Variants in CHD6 observed in about 807,000 individuals in gnomAD.
CHD6 encodes ATP-dependent chromatin remodeler CHD6.
Under a neutral mutation model 276.9 loss-of-function variants are expected in CHD6, and 50 were observed. The observed-to-expected ratio is 0.18, with a 90% CI of 0.14 to 0.23. The LOEUF (loss-of-function observed/expected upper bound fraction) is 0.23, where lower values mean the gene tolerates loss of function less well. Ranked by LOEUF, CHD6 falls within the 10% of genes least tolerant of loss-of-function variation. CHD6 has a pLI of 1.00. For synonymous variants in CHD6, 1,173 were observed against 1,229.3 expected, an observed-to-expected ratio of 0.95 and a Z score of 0.96; for missense variants, 2,564 against 3,365.8, an observed-to-expected ratio of 0.76 and a Z score of 5.89.
At chr20:41,426,030 C>T (rs1299753308) in intron 28 of CHD6, 63 bp downstream of exon 28, 2 of 1,191,852 alleles carry the variant, frequency 1.7e-6, no homozygotes, top group Non-Finnish European at 2.5e-6. Context: ...TACATATAAA[C>T]TCCACGATAA....
Position 41,421,534 on chromosome 20 carries a change from C to G in CHD6, c.5101G>C (p.Glu1701Gln), listed in dbSNP as rs2047192472. 6.2e-7 allele frequency: 1 copy of G among 1,612,210 alleles called. No individual in the cohort carries two copies. The highest frequency in any genetic ancestry group is 8.5e-7 in the Non-Finnish European group (1 of 1,179,190). ...CCATACATCATGCTCTCTAAGGACT[C>G]AGGCAGCAGACTTTCATCATGGTTG... ...SINHDESLLP[E>Q]SLESMMYGKK... The change falls in exon 31 of 37, where the codon GAG (glutamate) becomes CAG (glutamine). Residue 1701 changes from glutamate to glutamine, a missense_variant. This residue lies in a region of CHD6 where 1,024 missense variants were observed against 1,047.9 expected (regional missense o/e 0.98). Coordinates refer to ENST00000373233, the MANE Select transcript of CHD6 (RefSeq NM_032221.5).
rs535261885 is a variant in CHD6 at position 41,569,029 on chromosome 20, G to A, written c.-23-17669C>T. 7.9e-5 allele frequency among the ~76,000 whole-genome samples: 12 copies of A among 152,298 alleles called. No homozygotes were observed. The South Asian group carries it at 1.0e-3, about 13-fold the overall frequency. The stretch of plus-strand genomic sequence containing the variant: ...TTCCTAGAAGCCTAAGAGGGAGGGA[G>A]TACTGAGGTAAACACAAAACTAGTC... On this transcript the variant is annotated intron_variant, in intron 1 of 36. Coordinates refer to ENST00000373233, the MANE Select transcript of CHD6 (RefSeq NM_032221.5).
intron 25 of CHD6, among the ~76,000 whole-genome samples, chr20:41,442,017 C>T (rs966334495): frequency 1.3e-5 from 2 of 152,208 alleles, no homozygotes; most frequent in African/African-American, 2.4e-5. Context: ...CCACAGAAAT[C>T]TTTTTGCTGC....
intron 26 of CHD6, among the ~76,000 whole-genome samples, chr20:41,439,093 CACGCCTGTAATCCCAGT>C (rs1479103093): frequency 6.6e-6 from 1 of 152,160 alleles, no homozygotes; most frequent in Non-Finnish European, 1.5e-5. Context: ...TGTGGTGGCT[CACGCCTGTAATCCCAGT>C]ACTTTGGGAG....
intron 1 of CHD6, among the ~76,000 whole-genome samples, chr20:41,588,133 TAG>T (rs1270065576): frequency 6.6e-6 from 1 of 152,068 alleles, no homozygotes; most frequent in Non-Finnish European, 1.5e-5. Flanking sequence ...GGCAAAATCC[TAG>T]AGAGACTATC....
At chr20:41,597,970 C>A (rs4812534) in intron 1 of CHD6, among the ~76,000 whole-genome samples, 1 of 151,814 alleles carries the variant, frequency 6.6e-6, no homozygotes, top group Non-Finnish European at 1.5e-5. Flanking sequence ...CTGGGAATCC[C>A]GTCCTCTGCA....
intron 23 of CHD6, among the ~76,000 whole-genome samples, 156 bp downstream of exon 23, chr20:41,450,790 T>C (rs536174702): frequency 6.6e-6 from 1 of 152,310 alleles, no homozygotes; most frequent in Admixed American, 6.5e-5. Context: ...TAACATGAAT[T>C]CTGAGCCAGC....
chr20:41,559,925 C>G (rs1389463281), intron 1 of CHD6, among the ~76,000 whole-genome samples: 3 of 152,022 alleles, frequency 2.0e-5, no homozygotes, highest in African/African-American at 7.2e-5. Context: ...CTCCTGTGTT[C>G]CCCATCAGAG....
Position 41,483,477 on chromosome 20 carries a change from C to T in CHD6, c.2300G>A (p.Ser767Asn). Reference protein sequence around the residue: ...KILEDFRKTHSPDAPDFQLQA... With the variant: ...KILEDFRKTHNPDAPDFQLQA... ...CAGCTGAAAGTCAGGGGCATCAGGGCTGTGGGTTTTTCGGAAATCTTCTAG... is the reference window on the plus strand; with the variant it reads ...CAGCTGAAAGTCAGGGGCATCAGGGTTGTGGGTTTTTCGGAAATCTTCTAG... The change falls in exon 16 of 37, where the codon AGC becomes AAC. Residue 767 changes from serine to asparagine, a missense_variant. Ser to Asn is a conservative substitution (Grantham distance 46, BLOSUM62 1). Around this residue, in one of 7 missense-constraint regions of CHD6, gnomAD observed 457 missense variants for 889.0 expected, o/e 0.51. Coordinates refer to ENST00000373233, the MANE Select transcript of CHD6 (RefSeq NM_032221.5). 6.2e-7 allele frequency: 1 copy of T among 1,613,294 alleles called. No homozygotes were observed. The highest frequency in any genetic ancestry group is 8.5e-7 in the Non-Finnish European group (1 of 1,179,736).
chr20:41,511,843 T>A (rs2044126252), intron 5 of CHD6, among the ~76,000 whole-genome samples: 1 of 152,362 alleles, frequency 6.6e-6, no homozygotes, highest in Admixed American at 6.5e-5. Context: ...CCTGCTTCTG[T>A]TAGCCTCTGT....
At chr20:41,543,757 C>T (rs965805785) in intron 2 of CHD6, among the ~76,000 whole-genome samples, 13 of 152,192 alleles carry the variant, frequency 8.5e-5, no homozygotes, top group African/African-American at 2.9e-4. Flanking sequence ...TAGCAGTAGA[C>T]ATATTTCTTT....
chr20:41,574,081 A>G (rs2045446998), intron 1 of CHD6, among the ~76,000 whole-genome samples: 1 of 149,552 alleles, frequency 6.7e-6, no homozygotes, highest in Non-Finnish European at 1.5e-5. Context: ...CCCTCAGGCA[A>G]GCAAATGTTA....
chr20:41,517,312 A>T (rs563673805), intron 3 of CHD6, among the ~76,000 whole-genome samples: 1 of 152,320 alleles, frequency 6.6e-6, no homozygotes, highest in East Asian at 1.9e-4. Flanking sequence ...GAGGATCAGG[A>T]AAAATAACTA....
At chr20:41,457,601 G>A (rs189345806) in intron 17 of CHD6, among the ~76,000 whole-genome samples, 173 bp from the exon 18 acceptor site, 3 of 152,246 alleles carry the variant, frequency 2.0e-5, no homozygotes, top group Admixed American at 1.3e-4. Context: ...GCCACCCTCC[G>A]TGGCCACTCA....
chr20:41,430,600 T>C (rs1011926413), intron 27 of CHD6, among the ~76,000 whole-genome samples: 19 of 152,180 alleles, frequency 1.2e-4, no homozygotes, highest in Admixed American at 3.3e-4. Flanking sequence ...GATCTAGTGG[T>C]TGTGAGAATT....
At chr20:41,504,066 A>G (rs1241465697) in intron 5 of CHD6, among the ~76,000 whole-genome samples, 1 of 124,334 alleles carries the variant, frequency 8.0e-6, no homozygotes, top group Non-Finnish European at 1.6e-5. Flanking sequence ...TGATAGAGTG[A>G]GACTCTGTCT....
At chr20:41,543,065 C>G (rs1221930174) in intron 2 of CHD6, among the ~76,000 whole-genome samples, 1 of 147,380 alleles carries the variant, frequency 6.8e-6, no homozygotes, top group Non-Finnish European at 1.5e-5. Context: ...GATTGCGCCA[C>G]TGCACTCCAG....
chr20:41,484,335 T>C lies in CHD6; in HGVS notation c.2257+17A>G, dbSNP rs762221873. ...GTCATGGCAGTCCTGAGTTACTTCC[T>C]AGTGCCCCTGACTCACCATTGATCA... is the stretch of plus-strand genomic sequence containing the variant. On this transcript the variant is annotated intron_variant, in intron 15 of 36. Transcript: ENST00000373233. 39 of 1,613,286 alleles carry C rather than the reference T, an allele frequency of 2.4e-5. No homozygotes were observed. The highest frequency in any genetic ancestry group is 3.3e-5 in the Non-Finnish European group (39 of 1,179,504).
chr20:41,512,951 C>T lies in CHD6; in HGVS notation c.747G>A (p.Glu249=). The T allele has an allele frequency of 1.2e-6, 2 of 1,614,068 alleles. No homozygotes were observed. The highest frequency in any genetic ancestry group is 1.7e-6 in the Non-Finnish European group (2 of 1,179,960). ...GRQVKRRKYN[E]DLDFKVVDDD... Reference sequence around the variant, plus strand: ...CATCCACCACTTTGAAGTCCAGGTCCTCATTGTATTTTCTGCGCTTTACTT... The same window carrying T: ...CATCCACCACTTTGAAGTCCAGGTCTTCATTGTATTTTCTGCGCTTTACTT... The change falls in exon 5 of 37, where the codon GAG becomes GAA. Residue 249 remains glutamate, a synonymous_variant. Coordinates refer to ENST00000373233, the MANE Select transcript of CHD6 (RefSeq NM_032221.5).
Sources: allele counts gnomAD v4.1 joint callset (sites outside exome capture counted in the v4.1 genomes callset), GRCh38; gene constraint gnomAD v4.1.1; regional missense constraint gnomAD v4.1.1; transcripts MANE v1.5; gene names NCBI Gene and HGNC (gene_info 2026-07-23, HGNC 2026-07-21).